Variants in GRAMD2B observed in about 807,000 individuals in gnomAD.
The protein encoded by GRAMD2B is GRAM domain containing 2B, also known as GRAM domain-containing protein 2B.
In GRAMD2B, 41 loss-of-function variants were observed where a neutral mutation model predicts 59.2. That is an observed-to-expected ratio of 0.69 (90% CI 0.54 to 0.90). The LOEUF (loss-of-function observed/expected upper bound fraction) is 0.90, where lower values mean the gene tolerates loss of function less well. GRAMD2B is among the 40% of genes least tolerant of loss of function. The pLI is 0.00. For missense variants in GRAMD2B, 424 were observed against 500.5 expected, an observed-to-expected ratio of 0.85 and a Z score of 1.46; for synonymous variants, 161 against 182.7, an observed-to-expected ratio of 0.88 and a Z score of 0.96.
intron 1 of GRAMD2B, among the ~76,000 whole-genome samples, chr5:126,391,320 A>AAC (rs1554072999): frequency 2.6e-5 from 1 of 38,710 alleles, no homozygotes; most frequent in Non-Finnish European, 4.8e-5. Flanking sequence ...ACTCCATCTC[A>AAC]AAAAAAAAAA....
intron 1 of GRAMD2B, among the ~76,000 whole-genome samples, chr5:126,450,219 C>T (rs1765085917): frequency 1.3e-5 from 2 of 152,030 alleles, no homozygotes; most frequent in Admixed American, 6.5e-5. Flanking sequence ...CTCGTCTCCA[C>T]GGGGGTGGAG....
rs148740875 is a variant in GRAMD2B, at chr5:126,424,474, T to C, written c.83+785T>C. Among the ~76,000 whole-genome samples the C allele has an allele frequency of 8.2e-3, 1,250 of 152,330 alleles. 27 individuals are homozygous for C. Among genetic ancestry groups the C allele is most frequent in the African/African-American group, 0.029 (1,196 of 41,570 alleles). Reference sequence around the variant, plus strand: ...GGAGGGATATGTATTATCATAAGGTTATACTGATGTGATAATTCCACTTTG... The same window carrying C: ...GGAGGGATATGTATTATCATAAGGTCATACTGATGTGATAATTCCACTTTG... On this transcript the variant is annotated intron_variant, in intron 1 of 13. Transcript: ENST00000285689.
chr5:126,459,456 A>G (rs1210418202), intron 1 of GRAMD2B, among the ~76,000 whole-genome samples: 3 of 152,186 alleles, frequency 2.0e-5, no homozygotes, highest in Admixed American at 6.5e-5. Flanking sequence ...TTAAAAGTCA[A>G]CTATAGGATG....
At chr5:126,426,891 G>A (rs1181826988) in intron 1 of GRAMD2B, among the ~76,000 whole-genome samples, 3 of 152,064 alleles carry the variant, frequency 2.0e-5, no homozygotes, top group East Asian at 3.9e-4. Context: ...ACTCATCACC[G>A]AACTGCATAT....
chr5:126,444,821 C>A (rs1763925595), intron 1 of GRAMD2B, among the ~76,000 whole-genome samples: 1 of 152,168 alleles, frequency 6.6e-6, no homozygotes, highest in Admixed American at 6.6e-5. Context: ...GTCCAGCATC[C>A]ATTAGCTATT....
chr5:126,460,889 C>G (rs1401739593), intron 1 of GRAMD2B, among the ~76,000 whole-genome samples: 1 of 152,354 alleles, frequency 6.6e-6, no homozygotes, highest in East Asian at 1.9e-4. Flanking sequence ...TCTTCAGACA[C>G]TTCTAAACCT....
intron 1 of GRAMD2B, chr5:126,465,026 G>A (rs578210875): frequency 9.9e-7 from 1 of 1,006,222 alleles, no homozygotes; most frequent in South Asian, 4.5e-5. Context: ...AAAGGGGTGG[G>A]GGTTCCCAGC....
At chr5:126,415,467 TA>T (rs1458454680) in intron 1 of GRAMD2B, among the ~76,000 whole-genome samples, 1 of 151,662 alleles carries the variant, frequency 6.6e-6, no homozygotes, top group Non-Finnish European at 1.5e-5. Flanking sequence ...GCCTGACATG[TA>T]AAAGGCATGC....
intron 1 of GRAMD2B, among the ~76,000 whole-genome samples, chr5:126,401,225 G>T (rs1347354355): frequency 6.6e-6 from 1 of 151,786 alleles, no homozygotes; most frequent in Non-Finnish European, 1.5e-5. Flanking sequence ...CAAGTTTGTT[G>T]CTTAAGCTCT....
chr5:126,364,138 A>G (rs560492513), intron 1 of GRAMD2B, among the ~76,000 whole-genome samples: 5 of 152,342 alleles, frequency 3.3e-5, no homozygotes, highest in Admixed American at 6.5e-5. Context: ...AATACTAGCT[A>G]TTGTACTTTC....
Position 126,430,344 on chromosome 5 carries a change from A to G in GRAMD2B, c.83+6655A>G, listed in dbSNP as rs1580936377. Reference sequence around the variant, plus strand: ...TAATGGACATGATGTCCCAAGATGCATAGTATTTGTAACAACTTTATTGAG... The same window carrying G: ...TAATGGACATGATGTCCCAAGATGCGTAGTATTTGTAACAACTTTATTGAG... On this transcript the variant is annotated intron_variant, in intron 1 of 13. Transcript: ENST00000285689. Among the ~76,000 whole-genome samples, 4 of 152,332 alleles carry G rather than the reference A, an allele frequency of 2.6e-5. No individual in the cohort carries two copies. In the South Asian group the frequency reaches 8.3e-4, roughly 32 times the overall value.
chr5:126,373,985 C>T (rs1306496584), intron 1 of GRAMD2B, among the ~76,000 whole-genome samples: 1 of 152,202 alleles, frequency 6.6e-6, no homozygotes, highest in Non-Finnish European at 1.5e-5. Context: ...GTGACATTCA[C>T]TTTAAAAGAG....
At chr5:126,469,893 T>C (rs187096445) in intron 3 of GRAMD2B, 105 bp downstream of exon 3, 8 of 744,514 alleles carry the variant, frequency 1.1e-5, no homozygotes, top group Middle Eastern at 2.4e-4. Context: ...TCAAGACTAA[T>C]ATAGGTATAG....
intron 5 of GRAMD2B, 126 bp from the exon 6 acceptor site, chr5:126,477,566 G>T (rs1288038662): frequency 4.3e-6 from 3 of 705,196 alleles, no homozygotes; most frequent in Non-Finnish European, 7.7e-6. Context: ...TTTTCATGGA[G>T]GCTGGAGAGC....
upstream of GRAMD2B, among the ~76,000 whole-genome samples, chr5:126,419,124 A>G (rs977850973): frequency 2.0e-5 from 3 of 152,224 alleles, no homozygotes; most frequent in Non-Finnish European, 4.4e-5. Context: ...TACATTGTGT[A>G]TTAGTCGATT....
intron 1 of GRAMD2B, among the ~76,000 whole-genome samples, chr5:126,372,858 G>A (rs2149693281): frequency 6.6e-6 from 1 of 152,228 alleles, no homozygotes; most frequent in African/African-American, 2.4e-5. Flanking sequence ...AGACTGTCAT[G>A]CAAATTCTTC....
intron 1 of GRAMD2B, among the ~76,000 whole-genome samples, chr5:126,438,194 T>C (rs1408988859): frequency 2.0e-5 from 3 of 152,158 alleles, no homozygotes; most frequent in African/African-American, 7.2e-5. Flanking sequence ...GAAGTTTGTC[T>C]GAGAAGTGAA....
Position 126,469,676 on chromosome 5 carries a change from G to C in GRAMD2B, c.204-1G>C, listed in dbSNP as rs1377449829. The C allele has an allele frequency of 6.2e-6, 10 of 1,605,036 alleles. No individual in the cohort carries two copies. The Admixed American group carries it at 1.7e-4, about 27-fold the overall frequency. On this transcript the variant is annotated splice_acceptor_variant, in intron 2 of 13. Transcript: ENST00000285689. LOFTEE classifies it high-confidence loss of function. The stretch of plus-strand genomic sequence containing the variant: ...AGACACCCTGGACTTTCTTTCTTTA[G>C]GTCAAAATCCAGTTTTGATGGTGCC...
At chr5:126,475,930 GA>G (rs1232356464) in intron 5 of GRAMD2B, among the ~76,000 whole-genome samples, 1 of 152,162 alleles carries the variant, frequency 6.6e-6, no homozygotes, top group African/African-American at 2.4e-5. Flanking sequence ...ACAACATAGA[GA>G]AACCCCTTCT....
Sources: allele counts gnomAD v4.1 joint callset (sites outside exome capture counted in the v4.1 genomes callset), GRCh38; gene constraint gnomAD v4.1.1; transcripts MANE v1.5; gene names NCBI Gene and HGNC (gene_info 2026-07-23, HGNC 2026-07-21).